Variants in WWOX observed in about 807,000 individuals in gnomAD.
WWOX encodes the protein WW domain-containing oxidoreductase.
In WWOX, 69 loss-of-function variants were observed where a neutral mutation model predicts 46.2. The ratio of observed to expected loss-of-function variants is 1.49; its 90% CI spans 1.23 to 1.82. WWOX has a LOEUF of 1.82. WWOX is among the 40% of genes most tolerant of loss of function. WWOX has a pLI of 0.00. For missense variants in WWOX, 919 were observed against 542.6 expected (o/e 1.69, Z -6.89); for synonymous variants, 359 against 202.6 (o/e 1.77, Z -6.56).
intron 8 of WWOX, among the ~76,000 whole-genome samples, chr16:78,989,821 CGTGTGT>C (rs71384389): frequency 3.7e-5 from 5 of 136,402 alleles, no homozygotes; most frequent in African/African-American, 8.2e-5. Flanking sequence ...GGTGTGTGAG[CGTGTGT>C]GTGTGTGTGT....
At chr16:78,139,432 T>C (rs957014620) in intron 4 of WWOX, among the ~76,000 whole-genome samples, 2 of 152,156 alleles carry the variant, frequency 1.3e-5, no homozygotes, top group Non-Finnish European at 2.9e-5. Context: ...AATCATGAGG[T>C]CAAGGGTTCA....
At chr16:78,571,936 G>A (rs2044725457) in intron 8 of WWOX, among the ~76,000 whole-genome samples, 1 of 152,122 alleles carries the variant, frequency 6.6e-6, no homozygotes, top group Non-Finnish European at 1.5e-5. Flanking sequence ...AAAACGTTAA[G>A]TACTAAGGTC....
chr16:79,085,882 C>G (rs1567539741), intron 8 of WWOX, among the ~76,000 whole-genome samples: 1 of 151,900 alleles, frequency 6.6e-6, no homozygotes, highest in Non-Finnish European at 1.5e-5. Context: ...CTCATCACTA[C>G]AAAAAATAAA....
intron 8 of WWOX, among the ~76,000 whole-genome samples, chr16:78,917,679 A>C (rs893253310): frequency 6.6e-6 from 1 of 152,056 alleles, no homozygotes; most frequent in East Asian, 1.9e-4. Context: ...GCTTTCCTAC[A>C]TGGCTGTGAC....
At chr16:79,081,684 A>T (rs2048763084) in intron 8 of WWOX, among the ~76,000 whole-genome samples, 1 of 152,094 alleles carries the variant, frequency 6.6e-6, no homozygotes, top group African/African-American at 2.4e-5. Context: ...AATTCTCAGA[A>T]ACCCAAGACC....
chr16:78,291,085 TTTC>T (rs765885967), intron 5 of WWOX, among the ~76,000 whole-genome samples: 3 of 152,222 alleles, frequency 2.0e-5, no homozygotes, highest in Admixed American at 1.3e-4. Flanking sequence ...TCTCTCTCTC[TTTC>T]TTCTTTTGGT....
intron 8 of WWOX, among the ~76,000 whole-genome samples, chr16:78,839,944 A>G (rs1005154805): frequency 1.3e-5 from 2 of 152,174 alleles, no homozygotes; most frequent in African/African-American, 4.8e-5. Flanking sequence ...ACCATATATT[A>G]TTAGCTAGTG....
chr16:78,732,458 G>C (rs903389194), intron 8 of WWOX, among the ~76,000 whole-genome samples: 1 of 152,278 alleles, frequency 6.6e-6, no homozygotes, highest in South Asian at 2.1e-4. Flanking sequence ...GATGATTCCA[G>C]TTTCCAAACA....
intron 8 of WWOX, among the ~76,000 whole-genome samples, chr16:78,630,969 G>C (rs1475176533): frequency 6.6e-6 from 1 of 152,140 alleles, no homozygotes; most frequent in Non-Finnish European, 1.5e-5. Flanking sequence ...TACTGAAAAT[G>C]TACCAACTGC....
intron 5 of WWOX, among the ~76,000 whole-genome samples, chr16:78,189,946 C>CA (rs1567620834): frequency 6.7e-6 from 1 of 148,362 alleles, no homozygotes; most frequent in African/African-American, 2.5e-5. Flanking sequence ...TGAGCCACCA[C>CA]GCCCGGCTCA....
intron 8 of WWOX, among the ~76,000 whole-genome samples, chr16:78,875,728 A>C (rs553659015): frequency 1.3e-5 from 2 of 152,350 alleles, no homozygotes; most frequent in African/African-American, 4.8e-5. Flanking sequence ...CTAGTCGATT[A>C]CAACTGTGTC....
At chr16:79,059,208 A>C (rs1019486171) in intron 8 of WWOX, among the ~76,000 whole-genome samples, 3 of 152,240 alleles carry the variant, frequency 2.0e-5, no homozygotes, top group African/African-American at 7.2e-5. Flanking sequence ...CTAAAACTCC[A>C]TGAATATGCT....
intron 8 of WWOX, among the ~76,000 whole-genome samples, chr16:78,578,284 A>ATATATATATATATTTTTTTTTTTTT (rs1555567122): frequency 4.8e-5 from 1 of 20,840 alleles, no homozygotes; most frequent in African/African-American, 2.3e-4. Flanking sequence ...ATATATATAT[A>ATATATATATATATTTTTTTTTTTTT]TTTTTTTTTT....
intron 4 of WWOX, among the ~76,000 whole-genome samples, chr16:78,141,321 G>A (rs117304928): frequency 5.9e-5 from 9 of 151,920 alleles, no homozygotes; most frequent in Non-Finnish European, 1.0e-4. Flanking sequence ...GTTTTGTCAA[G>A]TATACAACAC....
At chr16:78,200,527 C>T (rs1235806160) in intron 5 of WWOX, among the ~76,000 whole-genome samples, 1 of 150,326 alleles carries the variant, frequency 6.7e-6, no homozygotes, top group Non-Finnish European at 1.5e-5. Flanking sequence ...ATCCATTACA[C>T]CATAAAGTAT....
Position 79,200,070 on chromosome 16 carries a change from C to G in WWOX, c.1057-11538C>G, listed in dbSNP as rs75810615. 7.2e-3 allele frequency among the ~76,000 whole-genome samples: 1,092 copies of G among 152,316 alleles called. 12 individuals are homozygous for G. The highest frequency in any genetic ancestry group is 0.025 in the African/African-American group (1,034 of 41,576). ...GCCAAGCTCCTCACCTGAGCCCTGC[C>G]AGCCTTCAGGACCTCCTTTGCACGA... On this transcript the variant is annotated intron_variant, in intron 8 of 8. Transcript: ENST00000566780.
At chr16:79,008,879 G>A (rs2047244208) in intron 8 of WWOX, among the ~76,000 whole-genome samples, 1 of 113,812 alleles carries the variant, frequency 8.8e-6, no homozygotes, top group Admixed American at 9.8e-5. Flanking sequence ...AGCCACGTGT[G>A]TATAATGAGC....
intron 8 of WWOX, among the ~76,000 whole-genome samples, chr16:78,744,675 A>C (rs569206683): frequency 1.3e-3 from 191 of 151,864 alleles, no homozygotes; most frequent in African/African-American, 4.4e-3. Context: ...TAAGTGATCC[A>C]CCTGCCTCGG....
Position 78,278,495 on chromosome 16 carries a change from T to C in WWOX, c.517-108365T>C, listed in dbSNP as rs771685134. 1.2e-5 allele frequency: 13 copies of C among 1,128,694 alleles called. No individual in the cohort carries two copies. In the East Asian group the frequency reaches 2.1e-4, roughly 18 times the overall value. 69.9% of individuals were successfully genotyped at this position (1,128,694 alleles called of 1,614,324 possible). A position where few individuals can be genotyped will look rare whatever the true frequency, so the allele number is the denominator to read the frequency against. On this transcript the variant is annotated intron_variant, in intron 5 of 8. Coordinates refer to ENST00000566780, the MANE Select transcript of WWOX (RefSeq NM_016373.4). ...GAAGGTTTTATTTAACCAGCTTGAATTTGTTAATTAATTAGCAAAAACTTA... is the reference window on the plus strand; with the variant it reads ...GAAGGTTTTATTTAACCAGCTTGAACTTGTTAATTAATTAGCAAAAACTTA...
Sources: allele counts gnomAD v4.1 joint callset (sites outside exome capture counted in the v4.1 genomes callset), GRCh38; gene constraint gnomAD v4.1.1; transcripts MANE v1.5; gene names NCBI Gene and HGNC (gene_info 2026-07-23, HGNC 2026-07-21).